Variants in TSPAN9 observed in about 807,000 individuals in gnomAD.
The protein encoded by TSPAN9 is tetraspanin-9.
TSPAN9 carries 16 observed loss-of-function variants against 31.0 expected under a neutral mutation model. The ratio of observed to expected loss-of-function variants is 0.52; its 90% CI spans 0.35 to 0.78. The LOEUF (loss-of-function observed/expected upper bound fraction) is 0.78, where lower values mean the gene tolerates loss of function less well. TSPAN9 is among the 30% of genes least tolerant of loss of function. The pLI, the probability that TSPAN9 is intolerant of heterozygous loss-of-function variation, is 0.01. For synonymous variants in TSPAN9, 145 were observed against 121.6 expected, an observed-to-expected ratio of 1.19 and a Z score of -1.27; for missense variants, 272 against 312.5, an observed-to-expected ratio of 0.87 and a Z score of 0.98.
chr12:3,193,550 C>G (rs2098365566), intron 2 of TSPAN9, among the ~76,000 whole-genome samples: 1 of 152,228 alleles, frequency 6.6e-6, no homozygotes, highest in African/African-American at 2.4e-5. Flanking sequence ...GCCATGTTTT[C>G]TGGTAGCCAG....
intron 1 of TSPAN9, among the ~76,000 whole-genome samples, chr12:3,079,257 G>C (rs2098296633): frequency 6.6e-6 from 1 of 152,118 alleles, no homozygotes; most frequent in Admixed American, 6.6e-5. Flanking sequence ...GGGATTATAG[G>C]CGTGAGCCAC....
chr12:3,104,233 A>C (rs1040292379), intron 2 of TSPAN9, among the ~76,000 whole-genome samples: 7 of 152,154 alleles, frequency 4.6e-5, no homozygotes, highest in Non-Finnish European at 8.8e-5. Flanking sequence ...GATGGGAGCC[A>C]TGGAGGGCTT....
intron 3 of TSPAN9, among the ~76,000 whole-genome samples, chr12:3,227,946 G>A (rs200002992): frequency 2.0e-5 from 3 of 152,278 alleles, no homozygotes; most frequent in East Asian, 1.9e-4. Flanking sequence ...CTTCATATAC[G>A]TCTCTCATTT....
chr12:3,080,715 C>T (rs185547460), intron 1 of TSPAN9, among the ~76,000 whole-genome samples: 29 of 152,258 alleles, frequency 1.9e-4, no homozygotes, highest in African/African-American at 6.0e-4. Context: ...CATTGTTGTG[C>T]GACAGCTCCA....
intron 2 of TSPAN9, among the ~76,000 whole-genome samples, chr12:3,092,321 T>C (rs1268408674): frequency 6.6e-6 from 1 of 152,208 alleles, no homozygotes; most frequent in African/African-American, 2.4e-5. Context: ...CAGTAAGTCG[T>C]TACTGTGTGC....
At chr12:3,161,492 T>G (rs1216309885) in intron 2 of TSPAN9, among the ~76,000 whole-genome samples, 1 of 152,170 alleles carries the variant, frequency 6.6e-6, no homozygotes, top group Non-Finnish European at 1.5e-5. Context: ...TTTGTTGACA[T>G]AAATAGGATC....
chr12:3,260,998 G>C (rs545355471), intron 3 of TSPAN9, among the ~76,000 whole-genome samples: 2 of 152,332 alleles, frequency 1.3e-5, no homozygotes, highest in East Asian at 3.9e-4. Flanking sequence ...GGGTCTGGAA[G>C]GTGTGATGTG....
chr12:3,129,439 T>A (rs970062064), intron 2 of TSPAN9, among the ~76,000 whole-genome samples: 9 of 152,376 alleles, frequency 5.9e-5, no homozygotes, highest in Middle Eastern at 3.4e-3. Flanking sequence ...AATAGTTCCT[T>A]CTACTACCTC....
At chr12:3,167,754 G>T (rs1458752459) in intron 2 of TSPAN9, among the ~76,000 whole-genome samples, 3 of 152,174 alleles carry the variant, frequency 2.0e-5, no homozygotes, top group Non-Finnish European at 2.9e-5. Context: ...GCTGCTGGGG[G>T]CCAGATGTGG....
chr12:3,108,591 T>C (rs1312171913), intron 2 of TSPAN9, among the ~76,000 whole-genome samples: 2 of 152,206 alleles, frequency 1.3e-5, no homozygotes, highest in African/African-American at 2.4e-5. Flanking sequence ...AAACACCCAC[T>C]GTTTAGTTCA....
At chr12:3,275,908 C>T (rs1311521461) in intron 3 of TSPAN9, among the ~76,000 whole-genome samples, 1 of 152,254 alleles carries the variant, frequency 6.6e-6, no homozygotes, top group Non-Finnish European at 1.5e-5. Flanking sequence ...TTCATGCACA[C>T]CTTTCTGGTT....
intron 2 of TSPAN9, among the ~76,000 whole-genome samples, chr12:3,086,053 G>A (rs534828627): frequency 3.9e-4 from 59 of 152,218 alleles, no homozygotes; most frequent in Non-Finnish European, 7.1e-4. Context: ...AGGCAGTGAG[G>A]AGTAAGCCTC....
At chr12:3,158,696 C>A (rs947214039) in intron 2 of TSPAN9, among the ~76,000 whole-genome samples, 2 of 117,646 alleles carry the variant, frequency 1.7e-5, no homozygotes, top group Admixed American at 1.3e-4. Flanking sequence ...CACTCCAGCC[C>A]AGGTGACAGA....
At chr12:3,249,263 G>A (rs2153977945) in intron 3 of TSPAN9, among the ~76,000 whole-genome samples, 1 of 152,290 alleles carries the variant, frequency 6.6e-6, no homozygotes, top group African/African-American at 2.4e-5. Context: ...CGGGTGGTCA[G>A]ACCTCACTGC....
chr12:3,090,479 T>C (rs775442810), intron 2 of TSPAN9, among the ~76,000 whole-genome samples: 13 of 152,248 alleles, frequency 8.5e-5, no homozygotes, highest in Non-Finnish European at 1.5e-4. Flanking sequence ...GGCTGTCAGC[T>C]GGGCTCCCCT....
intron 3 of TSPAN9, among the ~76,000 whole-genome samples, chr12:3,248,331 A>G (rs953250816): frequency 1.3e-5 from 2 of 152,158 alleles, no homozygotes; most frequent in Non-Finnish European, 2.9e-5. Context: ...AGAGTTTGTG[A>G]GGGCTGCAGA....
intron 2 of TSPAN9, among the ~76,000 whole-genome samples, chr12:3,132,820 G>A (rs2098330396): frequency 1.3e-5 from 2 of 152,230 alleles, no homozygotes; most frequent in Middle Eastern, 3.4e-3. Context: ...GTGGACCGGT[G>A]GCTCTCAGCC....
At chr12:3,100,980 C>G (rs1031213981) in intron 2 of TSPAN9, among the ~76,000 whole-genome samples, 1 of 152,098 alleles carries the variant, frequency 6.6e-6, no homozygotes, top group Non-Finnish European at 1.5e-5. Flanking sequence ...CAGTACCATC[C>G]CGGGTGTGGA....
chr12:3,219,824 CAT>C lies in TSPAN9; in HGVS notation c.63+18569_63+18570del, dbSNP rs529973490. On this transcript the variant is annotated intron_variant, in intron 3 of 8. Coordinates refer to ENST00000011898, the MANE Select transcript of TSPAN9 (RefSeq NM_006675.5). ...ATGTAACAAACCTGCACATTCTGCACATGTGTCCCAGAACTTAAACTATTAAA... is the reference window on the plus strand; with the variant it reads ...ATGTAACAAACCTGCACATTCTGCACGTGTCCCAGAACTTAAACTATTAAA... Among the ~76,000 whole-genome samples, 194 of 139,884 alleles carry C rather than the reference CAT, an allele frequency of 1.4e-3. 1 individual carries two copies. Among genetic ancestry groups the C allele is most frequent in the African/African-American group, 4.9e-3 (184 of 37,414 alleles). 91.8% of individuals were successfully genotyped at this position (139,884 alleles called of 152,430 possible). A position where few individuals can be genotyped will look rare whatever the true frequency, so the allele number is the denominator to read the frequency against.
Sources: allele counts gnomAD v4.1 joint callset (sites outside exome capture counted in the v4.1 genomes callset), GRCh38; gene constraint gnomAD v4.1.1; transcripts MANE v1.5; gene names NCBI Gene and HGNC (gene_info 2026-07-23, HGNC 2026-07-21).